PRKN: variants seen among roughly 807,000 people sequenced by gnomAD.
The protein encoded by PRKN is parkin RBR E3 ubiquitin protein ligase, also known as E3 ubiquitin-protein ligase parkin.
Under a neutral mutation model 59.5 loss-of-function variants are expected in PRKN, and 56 were observed. The ratio of observed to expected loss-of-function variants is 0.94; its 90% CI spans 0.76 to 1.18. PRKN has a LOEUF of 1.18. Among genes scored for constraint, PRKN ranks in the 50% most tolerant of loss-of-function variants. The pLI is 0.00. For missense variants in PRKN, 657 were observed against 596.4 expected (o/e 1.10, Z -1.06); for synonymous variants, 250 against 222.1 (o/e 1.13, Z -1.12).
At chr6:162,065,676 T>C (rs747442120) in intron 4 of PRKN, among the ~76,000 whole-genome samples, 4 of 152,112 alleles carry the variant, frequency 2.6e-5, no homozygotes, top group Non-Finnish European at 5.9e-5. Context: ...CCCCATCAAC[T>C]CGTCATTTAC....
chr6:162,574,383 T>A (rs994258290), intron 1 of PRKN, among the ~76,000 whole-genome samples: 2 of 152,068 alleles, frequency 1.3e-5, no homozygotes, highest in Admixed American at 1.3e-4. Flanking sequence ...AAAAAAAAAG[T>A]TTTAAAATGC....
chr6:161,488,288 T>C lies in PRKN; in HGVS notation c.1083+60566A>G, dbSNP rs1196143484. ...CATGAAGGGCCAGGGTACTGGAGCA[T>C]TGTCAACAAGGGGAAAGTGATCGGG... On this transcript the variant is annotated intron_variant, in intron 9 of 11. Transcript: ENST00000366898. This position sits in a 1 kb window ranked among gnomAD's most constrained non-coding sequence, Gnocchi z 4.5. 1.3e-5 allele frequency among the ~76,000 whole-genome samples: 2 copies of C among 152,078 alleles called. No individual in the cohort carries two copies. Among genetic ancestry groups the C allele is most frequent in the African/African-American group, 4.8e-5 (2 of 41,408 alleles).
chr6:162,137,047 A>C (rs1022641859), intron 4 of PRKN, among the ~76,000 whole-genome samples: 29 of 152,216 alleles, frequency 1.9e-4, no homozygotes, highest in African/African-American at 6.7e-4. Flanking sequence ...TTATCTTATA[A>C]GTACCTCATT....
chr6:161,776,958 T>A (rs915188880), intron 7 of PRKN, among the ~76,000 whole-genome samples: 1 of 152,228 alleles, frequency 6.6e-6, no homozygotes, highest in Non-Finnish European at 1.5e-5. Context: ...TTTCTTGACC[T>A]TCTTCCCATA....
chr6:162,663,256 T>C (rs1778964710), intron 1 of PRKN, among the ~76,000 whole-genome samples: 1 of 152,096 alleles, frequency 6.6e-6, no homozygotes, highest in Non-Finnish European at 1.5e-5. Context: ...CATTACTATC[T>C]CATTTCACAG....
intron 1 of PRKN, among the ~76,000 whole-genome samples, chr6:162,724,991 C>A (rs773902156): frequency 6.6e-6 from 1 of 152,192 alleles, no homozygotes; most frequent in Non-Finnish European, 1.5e-5. Flanking sequence ...CTTTGTCCTG[C>A]CTCTGTATCC....
intron 7 of PRKN, among the ~76,000 whole-genome samples, chr6:161,672,990 C>T (rs186049407): frequency 7.2e-5 from 11 of 152,266 alleles, no homozygotes; most frequent in African/African-American, 1.2e-4. Flanking sequence ...AAAAGGATCT[C>T]GGCCAGCACT....
At chr6:162,603,784 C>T (rs1229825165) in intron 1 of PRKN, among the ~76,000 whole-genome samples, 1 of 152,092 alleles carries the variant, frequency 6.6e-6, no homozygotes, top group Non-Finnish European at 1.5e-5. Flanking sequence ...ACCACCCGCA[C>T]GTGCCATCCA....
chr6:161,441,312 ATACT>A (rs755399270), intron 9 of PRKN, among the ~76,000 whole-genome samples: 1 of 152,152 alleles, frequency 6.6e-6, no homozygotes, highest in African/African-American at 2.4e-5. Context: ...CACAGTTCAC[ATACT>A]TACTAATTTT....
At chr6:162,070,648 C>G (rs1778536624) in intron 4 of PRKN, among the ~76,000 whole-genome samples, 1 of 152,238 alleles carries the variant, frequency 6.6e-6, no homozygotes, top group East Asian at 1.9e-4. Context: ...TTTCCAGGGA[C>G]CCAGTGGGAT....
chr6:162,587,183 C>G (rs949188894), intron 1 of PRKN, among the ~76,000 whole-genome samples: 1 of 152,192 alleles, frequency 6.6e-6, no homozygotes, highest in African/African-American at 2.4e-5. Context: ...GTTACCCACG[C>G]TGGAGTACAG....
chr6:161,631,179 C>T (rs2128154657), intron 7 of PRKN, among the ~76,000 whole-genome samples: 1 of 152,300 alleles, frequency 6.6e-6, no homozygotes, highest in Middle Eastern at 3.4e-3. Flanking sequence ...CCACCATGTG[C>T]CATGCATGAG....
intron 5 of PRKN, among the ~76,000 whole-genome samples, chr6:161,984,275 T>C (rs1194365785): frequency 6.6e-6 from 1 of 152,166 alleles, no homozygotes; most frequent in Non-Finnish European, 1.5e-5. Context: ...TTATTTATTT[T>C]GAGATGGAGT....
intron 1 of PRKN, among the ~76,000 whole-genome samples, chr6:162,519,145 G>C (rs1777984694): frequency 6.6e-6 from 1 of 152,076 alleles, no homozygotes; most frequent in African/African-American, 2.4e-5. Flanking sequence ...ACTCCAGCCT[G>C]GGCAACAAGA....
chr6:162,469,961 G>C (rs1480979767), intron 1 of PRKN, among the ~76,000 whole-genome samples: 1 of 152,200 alleles, frequency 6.6e-6, no homozygotes. Context: ...CAAAGAGCAG[G>C]TATGCAGAAG....
At chr6:162,418,612 C>CTGTGTGTGTGTGTGTG (rs1388038881) in intron 2 of PRKN, among the ~76,000 whole-genome samples, 2 of 76,766 alleles carry the variant, frequency 2.6e-5, no homozygotes, top group South Asian at 1.0e-3. Flanking sequence ...GAGGGACAGA[C>CTGTGTGTGTGTGTGTG]AGTGTGTGTG....
At chr6:161,418,526 A>G (rs1323285648) in intron 9 of PRKN, among the ~76,000 whole-genome samples, 2 of 152,236 alleles carry the variant, frequency 1.3e-5, no homozygotes, top group African/African-American at 4.8e-5. Context: ...ATACCCAGCA[A>G]AGTGAGAACA....
intron 6 of PRKN, among the ~76,000 whole-genome samples, chr6:161,819,976 C>A (rs1156504028): frequency 6.6e-6 from 1 of 151,980 alleles, no homozygotes; most frequent in Non-Finnish European, 1.5e-5. Flanking sequence ...ATAAGTAACA[C>A]TGAAAAAATT....
At chr6:161,664,981 T>C (rs1337242327) in intron 7 of PRKN, among the ~76,000 whole-genome samples, 1 of 151,772 alleles carries the variant, frequency 6.6e-6, no homozygotes, top group Non-Finnish European at 1.5e-5. Context: ...AGAGATGGGG[T>C]TTCACCATAT....
Sources: gnomAD v4.1 joint callset for allele counts (sites outside exome capture counted in the v4.1 genomes callset) on GRCh38, gnomAD v4.1.1 for gene constraint, Gnocchi (gnomAD v3.1) non-coding constraint, MANE v1.5 for transcripts, NCBI Gene and HGNC (gene_info 2026-07-23, HGNC 2026-07-21) for gene names.